Variants in ACMSD observed in about 807,000 individuals in gnomAD.
ACMSD encodes the protein 2-amino-3-carboxymuconate-6-semialdehyde decarboxylase.
In ACMSD, 37 loss-of-function variants were observed where a neutral mutation model predicts 45.9. That is an observed-to-expected ratio of 0.81 (90% CI 0.62 to 1.06). The LOEUF (loss-of-function observed/expected upper bound fraction) is 1.06. Among genes scored for constraint, ACMSD ranks in the 50% least tolerant of loss-of-function variants. The pLI, the probability that ACMSD is intolerant of heterozygous loss-of-function variation, is 0.00. For missense variants in ACMSD, 434 were observed against 420.9 expected (o/e 1.03, Z -0.27); for synonymous variants, 138 against 148.8 (o/e 0.93, Z 0.53).
At chr2:134,883,391 AG>A (rs1270653270) in intron 8 of ACMSD, among the ~76,000 whole-genome samples, 1 of 152,216 alleles carries the variant, frequency 6.6e-6, no homozygotes, top group Non-Finnish European at 1.5e-5. Context: ...TGGAATCAAC[AG>A]TCATCCAAGG....
At chr2:134,861,278 G>C (rs950752058) in intron 3 of ACMSD, among the ~76,000 whole-genome samples, 1 of 152,130 alleles carries the variant, frequency 6.6e-6, no homozygotes, top group African/African-American at 2.4e-5. Flanking sequence ...TAGTGAGCAT[G>C]AGACTTGAAT....
intron 8 of ACMSD, among the ~76,000 whole-genome samples, chr2:134,883,834 C>G (rs571903611): frequency 2.0e-5 from 3 of 152,316 alleles, no homozygotes; most frequent in South Asian, 4.1e-4. Flanking sequence ...TATTAGGCAT[C>G]AATCAACAGG....
chr2:134,847,556 C>A (rs529312330), intron 2 of ACMSD, among the ~76,000 whole-genome samples: 1 of 152,104 alleles, frequency 6.6e-6, no homozygotes, highest in African/African-American at 2.4e-5. Flanking sequence ...GTTCACTGCA[C>A]CCATCAACTC....
chr2:134,864,339 G>T (rs1014262785), intron 5 of ACMSD, among the ~76,000 whole-genome samples: 3 of 151,044 alleles, frequency 2.0e-5, no homozygotes, highest in Non-Finnish European at 4.4e-5. Flanking sequence ...TAATTTGGAA[G>T]AAATTATCGA....
At chr2:134,838,802 T>C in intron 1 of ACMSD, 63 bp downstream of exon 1, 2 of 1,331,500 alleles carry the variant, frequency 1.5e-6, no homozygotes, top group Middle Eastern at 3.9e-4. Context: ...AATGCCTTTC[T>C]CTTCTTTGTG....
At chr2:134,857,599 A>G (rs1296991854) in intron 2 of ACMSD, among the ~76,000 whole-genome samples, 1 of 152,030 alleles carries the variant, frequency 6.6e-6, no homozygotes, top group Non-Finnish European at 1.5e-5. Context: ...AGGGTTTTCT[A>G]TGTATAAAAC....
rs1687871521 is a variant in ACMSD at position 134,861,971 on chromosome 2, G to A, written c.202G>A (p.Val68Ile). 6.2e-7 allele frequency: 1 copy of A among 1,614,148 alleles called. No homozygotes were observed. ...VRIREMDQKG[V>I]TVQALSTVPV... Reference sequence around the variant, plus strand: ...CCCTTCTTTGTGTCCATGTCTAGGAGTAACAGTGCAAGCCCTTTCCACAGT... The same window carrying A: ...CCCTTCTTTGTGTCCATGTCTAGGAATAACAGTGCAAGCCCTTTCCACAGT... The change falls in exon 4 of 10, where the codon GTA becomes ATA. Residue 68 changes from valine to isoleucine, a missense_variant and splice_region_variant. By Grantham distance (29) the Val-to-Ile change is conservative. Transcript: ENST00000356140.
chr2:134,900,378 T>C (rs529249196), intron 9 of ACMSD, among the ~76,000 whole-genome samples: 102 of 152,290 alleles, frequency 6.7e-4, no homozygotes, highest in African/African-American at 2.2e-3. Flanking sequence ...TCACTTAGTA[T>C]CATCTTGGTG....
intron 8 of ACMSD, among the ~76,000 whole-genome samples, chr2:134,896,776 C>G (rs904168228): frequency 1.3e-5 from 2 of 152,166 alleles, no homozygotes; most frequent in Non-Finnish European, 2.9e-5. Context: ...TATGCGCCAG[C>G]ACTTCCACTC....
intron 8 of ACMSD, among the ~76,000 whole-genome samples, chr2:134,876,695 T>C (rs1266457282): frequency 6.6e-6 from 1 of 152,166 alleles, no homozygotes; most frequent in East Asian, 1.9e-4. Flanking sequence ...AAAATAATGA[T>C]AAAAAGGATA....
At chr2:134,850,587 G>A (rs377511376) in intron 2 of ACMSD, among the ~76,000 whole-genome samples, 3 of 152,298 alleles carry the variant, frequency 2.0e-5, no homozygotes, top group East Asian at 1.9e-4. Context: ...ATTTCTTAAT[G>A]TGGGGTCACA....
At chr2:134,848,497 T>C (rs1435158530) in intron 2 of ACMSD, among the ~76,000 whole-genome samples, 2 of 152,228 alleles carry the variant, frequency 1.3e-5, no homozygotes, top group Admixed American at 6.5e-5. Flanking sequence ...TGGTATCTCA[T>C]TGTGGTTTTG....
intron 8 of ACMSD, among the ~76,000 whole-genome samples, chr2:134,882,769 C>G (rs1243628219): frequency 6.6e-6 from 1 of 152,104 alleles, no homozygotes; most frequent in African/African-American, 2.4e-5. Context: ...TGTTCCTTTT[C>G]CAGAAGAAAA....
chr2:134,840,302 G>C (rs943022785), intron 1 of ACMSD, among the ~76,000 whole-genome samples: 1 of 151,002 alleles, frequency 6.6e-6, no homozygotes, highest in African/African-American at 2.4e-5. Flanking sequence ...ACGCCCCCCT[G>C]TACTATCCCA....
rs560449727 is a variant in ACMSD at position 134,876,172 on chromosome 2, G to A, written c.849+3531G>A. Reference sequence around the variant, plus strand: ...GTCAGTAAGTGAATAGTGAGTGAATGTGAAGGCCTAAGATACTGCTTTATA... The same window carrying A: ...GTCAGTAAGTGAATAGTGAGTGAATATGAAGGCCTAAGATACTGCTTTATA... On this transcript the variant is annotated intron_variant, in intron 8 of 9. Transcript: ENST00000356140. Among the ~76,000 whole-genome samples the A allele has an allele frequency of 4.6e-5, 7 of 152,270 alleles. No individual in the cohort carries two copies. The East Asian group carries it at 1.4e-3, about 29-fold the overall frequency.
intron 8 of ACMSD, among the ~76,000 whole-genome samples, chr2:134,885,168 C>T (rs1377777195): frequency 7.0e-6 from 1 of 142,626 alleles, no homozygotes; most frequent in African/African-American, 2.6e-5. Context: ...CGCACTCCAG[C>T]CTGGGTGATG....
intron 1 of ACMSD, among the ~76,000 whole-genome samples, chr2:134,838,952 A>G (rs1686658253): frequency 1.3e-5 from 2 of 152,212 alleles, no homozygotes; most frequent in South Asian, 4.1e-4. Flanking sequence ...GTGCTTTCTC[A>G]GAAACCCTTT....
chr2:134,860,856 CAAAAAAAAA>C (rs60233157), intron 3 of ACMSD, among the ~76,000 whole-genome samples: 2 of 72,476 alleles, frequency 2.8e-5, no homozygotes, highest in African/African-American at 1.1e-4. Flanking sequence ...CCTGTCTCCA[CAAAAAAAAA>C]AAAAAAAAAA....
chr2:134,855,976 C>T (rs1361050647), intron 2 of ACMSD, among the ~76,000 whole-genome samples: 2 of 152,116 alleles, frequency 1.3e-5, no homozygotes, highest in African/African-American at 2.4e-5. Flanking sequence ...TTCTATGGGG[C>T]CCAAAGGTAA....
Sources: allele counts gnomAD v4.1 joint callset (sites outside exome capture counted in the v4.1 genomes callset), GRCh38; gene constraint gnomAD v4.1.1; transcripts MANE v1.5; gene names NCBI Gene and HGNC (gene_info 2026-07-23, HGNC 2026-07-21).